Variants in UGCG observed in about 807,000 individuals in gnomAD.
The protein encoded by UGCG is UDP-glucose ceramide glucosyltransferase, also known as ceramide glucosyltransferase.
Under a neutral mutation model 49.5 loss-of-function variants are expected in UGCG, and 10 were observed. That is an observed-to-expected ratio of 0.20 (90% CI 0.12 to 0.34). The LOEUF is 0.34. Ranked by LOEUF, UGCG falls within the 10% of genes least tolerant of loss-of-function variation. The probability of loss-of-function intolerance (pLI) is 1.00; values close to 1 mark genes in which losing one functional copy is unlikely to be tolerated. For missense variants in UGCG, 312 were observed against 483.7 expected (o/e 0.65, Z 3.33); for synonymous variants, 182 against 158.2 (o/e 1.15, Z -1.13).
intron 2 of UGCG, chr9:111,915,622 A>G (rs756834503): frequency 2.0e-5 from 4 of 203,328 alleles, no homozygotes; most frequent in Non-Finnish European, 3.5e-5. Context: ...GTTTTTCCAT[A>G]GCTGTTTTTG....
At chr9:111,912,851 T>C (rs912655087) in intron 1 of UGCG, among the ~76,000 whole-genome samples, 1 of 152,172 alleles carries the variant, frequency 6.6e-6, no homozygotes, top group African/African-American at 2.4e-5. Context: ...GTTCTTTAAA[T>C]TTCTTGTTGG....
chr9:111,932,271 A>G lies in UGCG; in HGVS notation c.926A>G (p.His309Arg), dbSNP rs1838439872. 5.6e-6 allele frequency: 9 copies of G among 1,614,124 alleles called. No homozygotes were observed. Among genetic ancestry groups the G allele is most frequent in the Non-Finnish European group, 6.8e-6 (8 of 1,179,986 alleles). The change falls in exon 8 of 9, where the codon CAT (histidine) becomes CGT (arginine). Residue 309 changes from histidine (H) to arginine (R), a missense_variant. Physicochemically the swap from His to Arg is conservative, Grantham distance 29. Around this residue, in one of 4 missense-constraint regions of UGCG, gnomAD observed 180 missense variants for 320.4 expected, o/e 0.56. Transcript: ENST00000374279. ...TTAATTATTGGATGGGCAGCCCACC[A>G]TGTGTTCAGATGGGATATTATGGTA... ...ASLIIGWAAH[H>R]VFRWDIMVFF... is the part of the protein sequence containing the mutation.
chr9:111,897,419 G>T (rs1406154641), intron 1 of UGCG, 106 bp downstream of exon 1: 5 of 878,570 alleles, frequency 5.7e-6, no homozygotes, highest in Non-Finnish European at 8.6e-6. Context: ...TCGGGCGGGG[G>T]TGGAGAAAGC....
At chr9:111,897,408 C>T in intron 1 of UGCG, 95 bp downstream of exon 1, 2 of 985,226 alleles carry the variant, frequency 2.0e-6, no homozygotes, top group Admixed American at 4.8e-5. Context: ...GGGGACTGGG[C>T]TCGGGCGGGG....
chr9:111,926,861 C>CTTT lies in UGCG; in HGVS notation c.558+392_558+394dup, dbSNP rs56298523. ...GAACCGCTGGCCCCCTCCCCCCAGC[C>CTTT]TTTTTTTTTTTTTTTTTTTTTTTTT... is the stretch of plus-strand genomic sequence containing the variant. On this transcript the variant is annotated intron_variant, in intron 5 of 8. Coordinates refer to ENST00000374279, the MANE Select transcript of UGCG (RefSeq NM_003358.3). 5.9e-3 allele frequency among the ~76,000 whole-genome samples: 336 copies of CTTT among 56,882 alleles called. 97 individuals are homozygous for CTTT. Among genetic ancestry groups the CTTT allele is most frequent in the Non-Finnish European group, 7.3e-3 (202 of 27,522 alleles). 37.3% of individuals were successfully genotyped at this position (56,882 alleles called of 152,430 possible).
intron 5 of UGCG, among the ~76,000 whole-genome samples, chr9:111,928,004 G>A: frequency 6.6e-6 from 1 of 151,902 alleles, no homozygotes; most frequent in East Asian, 1.9e-4. Flanking sequence ...TTCCTGTACT[G>A]TTAAACATTT....
At chr9:111,926,026 C>G (rs1292529383) in intron 4 of UGCG, among the ~76,000 whole-genome samples, 2 of 152,212 alleles carry the variant, frequency 1.3e-5, no homozygotes, top group Non-Finnish European at 2.9e-5. Flanking sequence ...AGCACGAGAA[C>G]TGAGGTCCTT....
At chr9:111,917,373 A>G (rs931302360) in intron 2 of UGCG, among the ~76,000 whole-genome samples, 6 of 152,220 alleles carry the variant, frequency 3.9e-5, no homozygotes, top group African/African-American at 1.2e-4. Flanking sequence ...AACCACTGAA[A>G]TCACGCATAT....
At chr9:111,929,844 A>C (rs965305406) in intron 6 of UGCG, among the ~76,000 whole-genome samples, 166 bp downstream of exon 6, 5 of 152,092 alleles carry the variant, frequency 3.3e-5, no homozygotes, top group Admixed American at 2.6e-4. Flanking sequence ...TTTGAGACAG[A>C]GTCTTGCTCT....
At chr9:111,926,219 C>T (rs913935667) in intron 4 of UGCG, among the ~76,000 whole-genome samples, 165 bp from the exon 5 acceptor site, 3 of 152,140 alleles carry the variant, frequency 2.0e-5, no homozygotes, top group African/African-American at 7.2e-5. Flanking sequence ...TTGTATTCTC[C>T]TCAGAAAGGT....
At chr9:111,923,409 C>A (rs654745) in intron 3 of UGCG, among the ~76,000 whole-genome samples, 149,832 of 151,652 alleles carry the variant, frequency 0.99, 74,019 homozygotes, top group East Asian at 1. Context: ...TCTAAAAAAC[C>A]AGTAAGTCGT....
intron 1 of UGCG, among the ~76,000 whole-genome samples, chr9:111,904,315 G>A (rs762010124): frequency 2.0e-5 from 3 of 152,156 alleles, no homozygotes; most frequent in Non-Finnish European, 4.4e-5. Flanking sequence ...CACATTGGTA[G>A]TCTCAGGGCT....
At chr9:111,899,448 A>G (rs1018270197) in intron 1 of UGCG, among the ~76,000 whole-genome samples, 2 of 152,242 alleles carry the variant, frequency 1.3e-5, no homozygotes, top group Non-Finnish European at 2.9e-5. Flanking sequence ...GATGTAAATT[A>G]CATACTCATA....
At chr9:111,932,065 T>C in intron 7 of UGCG, 105 bp from the exon 8 acceptor site, 5 of 1,190,040 alleles carry the variant, frequency 4.2e-6, no homozygotes. Flanking sequence ...AAGAGAATGG[T>C]CTTTCTATCA....
chr9:111,912,904 T>TGC (rs918572945), intron 1 of UGCG, among the ~76,000 whole-genome samples: 5 of 152,224 alleles, frequency 3.3e-5, no homozygotes, highest in African/African-American at 9.6e-5. Context: ...TGTGTGTGTG[T>TGC]GCGTGTGTGC....
At chr9:111,902,598 C>T (rs1022644404) in intron 1 of UGCG, among the ~76,000 whole-genome samples, 5 of 152,214 alleles carry the variant, frequency 3.3e-5, no homozygotes, top group Middle Eastern at 3.4e-3. Flanking sequence ...TAATTTTACA[C>T]GAAATACTAA....
At chr9:111,908,910 A>G (rs2131719775) in intron 1 of UGCG, among the ~76,000 whole-genome samples, 1 of 152,144 alleles carries the variant, frequency 6.6e-6, no homozygotes, top group East Asian at 1.9e-4. Flanking sequence ...CTTTTGAAAC[A>G]CTAGGCAATT....
At chr9:111,920,075 T>C (rs569282262) in intron 2 of UGCG, among the ~76,000 whole-genome samples, 1 of 152,222 alleles carries the variant, frequency 6.6e-6, no homozygotes, top group East Asian at 1.9e-4. Flanking sequence ...AGTAGGGCCC[T>C]TTCCATTTTC....
chr9:111,913,300 G>A (rs1838049950), intron 1 of UGCG, among the ~76,000 whole-genome samples: 1 of 152,184 alleles, frequency 6.6e-6, no homozygotes, highest in South Asian at 2.1e-4. Flanking sequence ...TTTATGAGAA[G>A]TACTTGTCAC....
Sources: allele counts gnomAD v4.1 joint callset (sites outside exome capture counted in the v4.1 genomes callset), GRCh38; gene constraint gnomAD v4.1.1; regional missense constraint gnomAD v4.1.1; transcripts MANE v1.5; gene names NCBI Gene and HGNC (gene_info 2026-07-23, HGNC 2026-07-21).